The following PATJ variants were observed in gnomAD, a reference collection of about 807,000 sequenced individuals.
PATJ encodes the protein inaD-like protein.
In PATJ, 190 loss-of-function variants were observed where a neutral mutation model predicts 224.9. That is an observed-to-expected ratio of 0.84 (90% CI 0.75 to 0.95). The LOEUF (loss-of-function observed/expected upper bound fraction) is 0.95. Ranked by LOEUF, PATJ falls within the 40% of genes least tolerant of loss-of-function variation. PATJ has a pLI of 0.00. For missense variants in PATJ, 2,121 were observed against 2,270.3 expected, an observed-to-expected ratio of 0.93 and a Z score of 1.34; for synonymous variants, 769 against 820.3, an observed-to-expected ratio of 0.94 and a Z score of 1.07.
intron 41 of PATJ, among the ~76,000 whole-genome samples, chr1:62,137,595 C>T (rs796358969): frequency 1.7e-3 from 96 of 55,460 alleles, no homozygotes; most frequent in Admixed American, 2.2e-3. Flanking sequence ...GGGGGAAATG[C>T]CTCCGGAGGG....
intron 17 of PATJ, among the ~76,000 whole-genome samples, chr1:61,834,736 A>G (rs1368483775): frequency 6.6e-6 from 1 of 152,146 alleles, no homozygotes; most frequent in Admixed American, 6.5e-5. Context: ...TAAGAATATT[A>G]CGTTCTATTT....
At chr1:61,862,264 T>A (rs1213166582) in intron 19 of PATJ, among the ~76,000 whole-genome samples, 2 of 151,396 alleles carry the variant, frequency 1.3e-5, no homozygotes, top group Admixed American at 6.6e-5. Flanking sequence ...TGGTGTGATC[T>A]CGGCTCACTG....
In PATJ at chr1:61,775,249, G is replaced by A; in HGVS notation, c.764G>A (p.Gly255Asp). The A allele has an allele frequency of 6.2e-7, 1 of 1,613,790 alleles. No homozygotes were observed. The highest frequency in any genetic ancestry group is 2.2e-5 in the East Asian group (1 of 44,856). The change falls in exon 7 of 44, where the codon GGC becomes GAC. Residue 255 changes from glycine to aspartate, a missense_variant. By Grantham distance (94) the Gly-to-Asp change is moderately conservative. Coordinates refer to ENST00000642238, the MANE Select transcript of PATJ (RefSeq NM_001350145.3). ...GAAGAGGTTGAGCTCATTAATGATG[G>A]CTCTGGACTAGGTTTTGGAATAGTT... ...HVEEVELIND[G>D]SGLGFGIVGG...
At chr1:61,871,077 T>G (rs1276642726) in intron 20 of PATJ, among the ~76,000 whole-genome samples, 1 of 150,044 alleles carries the variant, frequency 6.7e-6, no homozygotes. Context: ...TTTGTTTTTT[T>G]TGTTTTTTTT....
chr1:61,932,145 A>G (rs762460983), intron 27 of PATJ, among the ~76,000 whole-genome samples: 5 of 152,198 alleles, frequency 3.3e-5, no homozygotes, highest in South Asian at 2.1e-4. Flanking sequence ...TAAAACAGTA[A>G]TTGATAGTCA....
intron 25 of PATJ, among the ~76,000 whole-genome samples, chr1:61,913,213 T>A (rs190292684): frequency 6.6e-6 from 1 of 152,252 alleles, no homozygotes; most frequent in Admixed American, 6.5e-5. Context: ...CAAGGAGTTT[T>A]TTTTTGTCTT....
chr1:62,141,814 C>A (rs1667534303), intron 41 of PATJ, among the ~76,000 whole-genome samples: 2 of 151,844 alleles, frequency 1.3e-5, no homozygotes, highest in Admixed American at 6.6e-5. Flanking sequence ...ACTAAAAATA[C>A]AAAAAATTAG....
chr1:61,977,618 T>C (rs1644212489), intron 27 of PATJ, among the ~76,000 whole-genome samples: 1 of 151,822 alleles, frequency 6.6e-6, no homozygotes, highest in Non-Finnish European at 1.5e-5. Flanking sequence ...AGTGGGGGGC[T>C]CCATTTAAGA....
At chr1:62,120,320 G>T (rs1664898309) in intron 37 of PATJ, among the ~76,000 whole-genome samples, 1 of 152,018 alleles carries the variant, frequency 6.6e-6, no homozygotes, top group South Asian at 2.1e-4. Flanking sequence ...TCATATTTTA[G>T]GAATTAAAAT....
chr1:61,857,065 C>A (rs1663800060), intron 18 of PATJ, among the ~76,000 whole-genome samples: 1 of 152,044 alleles, frequency 6.6e-6, no homozygotes, highest in South Asian at 2.1e-4. Flanking sequence ...GCATCAAGAA[C>A]CCCTATAATG....
chr1:62,107,629 G>A (rs1663259503), intron 33 of PATJ, among the ~76,000 whole-genome samples: 2 of 152,138 alleles, frequency 1.3e-5, no homozygotes. Context: ...TGATGGGACT[G>A]AGTCTGGGTG....
chr1:62,015,323 C>T (rs985275944), intron 28 of PATJ, among the ~76,000 whole-genome samples: 9 of 151,630 alleles, frequency 5.9e-5, no homozygotes, highest in African/African-American at 1.9e-4. Context: ...AAGAAAGAAA[C>T]GTAATAGCAA....
intron 30 of PATJ, among the ~76,000 whole-genome samples, chr1:62,042,657 T>TA (rs1255921260): frequency 2.6e-5 from 4 of 152,120 alleles, no homozygotes; most frequent in Admixed American, 6.5e-5. Context: ...GCTATTTTTT[T>TA]AAAAAAAAAG....
At chr1:61,756,731 A>G (rs1406776098) in intron 1 of PATJ, among the ~76,000 whole-genome samples, 2 of 151,824 alleles carry the variant, frequency 1.3e-5, no homozygotes, top group Non-Finnish European at 2.9e-5. Flanking sequence ...GGCGTGCGCC[A>G]CCACGCCCGG....
chr1:61,832,552 T>C (rs1453477194), intron 16 of PATJ, among the ~76,000 whole-genome samples: 2 of 152,184 alleles, frequency 1.3e-5, no homozygotes, highest in Non-Finnish European at 2.9e-5. Context: ...GGTACCTTTA[T>C]TGAGAAGGAG....
At chr1:62,050,918 G>GT (rs747853535) in intron 30 of PATJ, 48 bp from the exon 31 acceptor site, 2 of 1,364,484 alleles carry the variant, frequency 1.5e-6, no homozygotes, top group Non-Finnish European at 2.1e-6. Flanking sequence ...TCGAGGGAGT[G>GT]TAAGTGAAGA....
chr1:61,769,491 G>A, intron 5 of PATJ, 69 bp downstream of exon 5: 1 of 1,476,450 alleles, frequency 6.8e-7, no homozygotes, highest in Non-Finnish European at 9.2e-7. Flanking sequence ...TATAAAGAGA[G>A]TGAAAAACTA....
chr1:62,062,712 A>T (rs1362123630), intron 31 of PATJ, among the ~76,000 whole-genome samples: 3 of 151,610 alleles, frequency 2.0e-5, no homozygotes, highest in African/African-American at 7.3e-5. Flanking sequence ...GTCCAGGTTG[A>T]TGTAGAACTC....
rs79926839 is a variant in PATJ at position 61,824,249 on chromosome 1, G to T, written c.1818+1170G>T. On this transcript the variant is annotated intron_variant, in intron 15 of 43. Transcript: ENST00000642238. ...TTTAATTCACTTTTTTTTTTTTTTC[G>T]AGACGGGGTCTTGCTATGTTGCCCA... 9.2e-4 allele frequency among the ~76,000 whole-genome samples: 128 copies of T among 139,458 alleles called. 1 individual carries two copies. The highest frequency in any genetic ancestry group is 3.3e-3 in the African/African-American group (125 of 37,804). The allele number at this position is 139,458 out of a possible 152,430, so 91.5% of individuals were successfully genotyped here.
Sources: gnomAD v4.1 joint callset for allele counts (sites outside exome capture counted in the v4.1 genomes callset) on GRCh38, gnomAD v4.1.1 for gene constraint, MANE v1.5 for transcripts, NCBI Gene and HGNC (gene_info 2026-07-23, HGNC 2026-07-21) for gene names.